ZNF75D: variants seen among roughly 807,000 people sequenced by gnomAD.
The protein encoded by ZNF75D is zinc finger protein 75D.
Under a neutral mutation model 33.3 loss-of-function variants are expected in ZNF75D, and 33 were observed. The ratio of observed to expected loss-of-function variants is 0.99; its 90% CI spans 0.75 to 1.32. The LOEUF is 1.32. ZNF75D is among the 40% of genes most tolerant of loss of function. ZNF75D has a pLI of 0.00. For synonymous variants in ZNF75D, 113 were observed against 130.6 expected (o/e 0.87, Z 0.92); for missense variants, 338 against 367.5 (o/e 0.92, Z 0.66).
At chrX:135,312,458 C>T (rs1297644642) in intron 1 of ZNF75D, among the ~76,000 whole-genome samples, 1 of 112,087 alleles carries the variant, frequency 8.9e-6, no homozygotes, top group Non-Finnish European at 1.9e-5. Context: ...GATAAACATG[C>T]GAGTGCAGGT....
chrX:135,336,999 A>G (rs570765253), intron 1 of ZNF75D, among the ~76,000 whole-genome samples: 2 of 111,998 alleles, frequency 1.8e-5, no homozygotes, highest in South Asian at 7.5e-4. Context: ...GCACGATTGG[A>G]ACTAGGTGTG....
intron 6 of ZNF75D, 140 bp from the exon 7 acceptor site, chrX:135,287,986 T>G (rs1569488612): frequency 2.0e-6 from 1 of 499,675 alleles, no homozygotes; most frequent in East Asian, 3.7e-5. Context: ...CAAAATGGCA[T>G]AGACCCATTT....
intron 1 of ZNF75D, among the ~76,000 whole-genome samples, chrX:135,336,232 A>G (rs1556442364): frequency 8.9e-6 from 1 of 111,732 alleles, no homozygotes; most frequent in African/African-American, 3.3e-5. Context: ...TCTATGAAGC[A>G]AGGAGTGAAG....
At chrX:135,339,799 A>G (rs1230147768) in intron 1 of ZNF75D, among the ~76,000 whole-genome samples, 1 of 111,367 alleles carries the variant, frequency 9.0e-6, no homozygotes, top group African/African-American at 3.3e-5. Context: ...ACTCCCTCCT[A>G]TGGGTCAGAT....
At chrX:135,273,222 G>A (rs954870659) in intron 1 of ZNF75D, among the ~76,000 whole-genome samples, 6 of 111,028 alleles carry the variant, frequency 5.4e-5, no homozygotes, top group African/African-American at 9.8e-5. Context: ...GATGGGCAGC[G>A]CCTAAACATG....
At chrX:135,267,579 C>T (rs2083867544) in intron 1 of ZNF75D, among the ~76,000 whole-genome samples, 1 of 111,280 alleles carries the variant, frequency 9.0e-6, no homozygotes, top group Admixed American at 9.6e-5. Context: ...AAATCCAAAA[C>T]CTGAGCAGAT....
At chrX:135,339,669 G>C (rs1222007012) in intron 1 of ZNF75D, among the ~76,000 whole-genome samples, 8 of 112,207 alleles carry the variant, frequency 7.1e-5, no homozygotes, top group African/African-American at 2.6e-4. Context: ...AATTAAAGTA[G>C]ATTCATTCAC....
At chrX:135,287,906 T>A in intron 6 of ZNF75D, 60 bp from the exon 7 acceptor site, 1 of 922,791 alleles carries the variant, frequency 1.1e-6, no homozygotes, top group South Asian at 2.1e-5. Flanking sequence ...GCTACATAAA[T>A]GGAGAGAAAA....
chrX:135,289,848 T>C (rs1347691693), intron 6 of ZNF75D, among the ~76,000 whole-genome samples: 1 of 112,048 alleles, frequency 8.9e-6, no homozygotes, highest in Non-Finnish European at 1.9e-5. Flanking sequence ...TGCTCTATTT[T>C]CATGTGATAA....
intron 1 of ZNF75D, among the ~76,000 whole-genome samples, chrX:135,279,131 G>T (rs1294845224): frequency 9.0e-6 from 1 of 111,705 alleles, no homozygotes; most frequent in Non-Finnish European, 1.9e-5. Flanking sequence ...GGCTTTTTTG[G>T]TTGGTAGGCT....
chrX:135,341,019 A>C (rs1556444593), intron 1 of ZNF75D, among the ~76,000 whole-genome samples: 2 of 111,940 alleles, frequency 1.8e-5, no homozygotes, highest in Admixed American at 9.4e-5. Context: ...AGTCTGACTC[A>C]CAGGGACATA....
At chrX:135,306,335 A>G (rs2084286317) in intron 1 of ZNF75D, among the ~76,000 whole-genome samples, 1 of 104,911 alleles carries the variant, frequency 9.5e-6, no homozygotes, top group African/African-American at 3.4e-5. Context: ...ACACACACAC[A>G]CGGGATTATA....
chrX:135,258,001 C>CT (rs2083814870), intron 1 of ZNF75D, among the ~76,000 whole-genome samples: 1 of 108,572 alleles, frequency 9.2e-6, no homozygotes, highest in Non-Finnish European at 1.9e-5. Context: ...TGTGATGTTC[C>CT]CTGCCCTGTG....
rs1294308266 is a variant in ZNF75D at position 135,342,642 on chromosome X, T to C, written c.-1265A>G. The C allele has an allele frequency of 1.8e-5, 2 of 111,771 alleles. No individual in the cohort carries two copies. The highest frequency in any genetic ancestry group is 3.8e-5 in the Non-Finnish European group (2 of 53,253). 9.2% of individuals were successfully genotyped at this position (111,771 alleles called of 1,213,427 possible). On this transcript the variant is annotated 5_prime_UTR_variant, in exon 1 of 7. Coordinates refer to ENST00000370766, the MANE Select transcript of ZNF75D (RefSeq NM_007131.5). ...GCTTACTTGGGTGGCCCTGGGGCAATGACCCCAAAGCCTCAGTGCCAAACT... is the reference window on the plus strand; with the variant it reads ...GCTTACTTGGGTGGCCCTGGGGCAACGACCCCAAAGCCTCAGTGCCAAACT...
chrX:135,262,742 C>T (rs1173888399), intron 1 of ZNF75D, among the ~76,000 whole-genome samples: 2 of 111,961 alleles, frequency 1.8e-5, no homozygotes, highest in Admixed American at 9.5e-5. Flanking sequence ...CTCAAACATC[C>T]TCCTTTAGCT....
At chrX:135,265,588 C>G (rs953166350) in intron 1 of ZNF75D, among the ~76,000 whole-genome samples, 1 of 111,497 alleles carries the variant, frequency 9.0e-6, no homozygotes, top group African/African-American at 3.3e-5. Context: ...AAAGTTTTAC[C>G]CTAGAATAAA....
At chrX:135,257,271 C>T (rs1267831440) in intron 1 of ZNF75D, among the ~76,000 whole-genome samples, 10 of 112,297 alleles carry the variant, frequency 8.9e-5, no homozygotes, top group African/African-American at 2.6e-4. Context: ...CCGCCCTGGG[C>T]CATACGGGAG....
At chrX:135,318,231 T>C (rs1348200574) in intron 1 of ZNF75D, among the ~76,000 whole-genome samples, 1 of 109,025 alleles carries the variant, frequency 9.2e-6, no homozygotes, top group Non-Finnish European at 1.9e-5. Flanking sequence ...CCTGCCATAG[T>C]GGTTGGAGAT....
rs368322589 is a variant in ZNF75D, at chrX:135,285,918, C to T, written c.*1219G>A. ...ATAAGCCTTGGCCAACATTATAAAC[C>T]AGGATCTGACATAGATATAAATCCA... On this transcript the variant is annotated 3_prime_UTR_variant, in exon 7 of 7. Coordinates refer to ENST00000370766, the MANE Select transcript of ZNF75D (RefSeq NM_007131.5). The T allele has an allele frequency of 8.9e-6, 1 of 112,193 alleles. No individual in the cohort carries two copies. The highest frequency in any genetic ancestry group is 2.8e-4 in the East Asian group (1 of 3,613). 9.2% of individuals were successfully genotyped at this position (112,193 alleles called of 1,213,427 possible).
Sources: gnomAD v4.1 joint callset for allele counts (sites outside exome capture counted in the v4.1 genomes callset) on GRCh38, gnomAD v4.1.1 for gene constraint, MANE v1.5 for transcripts, NCBI Gene and HGNC (gene_info 2026-07-23, HGNC 2026-07-21) for gene names.